Variants in PUDP observed in about 807,000 individuals in gnomAD.
PUDP encodes the protein pseudouridine 5'-phosphatase.
A neutral mutation model predicts 9.4 loss-of-function variants in PUDP; 8 were observed. The observed-to-expected ratio is 0.85, with a 90% CI of 0.50 to 1.53. PUDP has a LOEUF of 1.53. Ranked by LOEUF, PUDP falls within the 40% of genes most tolerant of loss-of-function variation. The probability of loss-of-function intolerance (pLI) is 0.00; values close to 1 mark genes in which losing one functional copy is unlikely to be tolerated. For missense variants in PUDP, 188 were observed against 189.7 expected (o/e 0.99, Z 0.05); for synonymous variants, 99 against 80.7 (o/e 1.23, Z -1.22).
At chrX:7,125,519 AAAG>A (rs750754921) in intron 1 of PUDP, among the ~76,000 whole-genome samples, 55 of 111,670 alleles carry the variant, frequency 4.9e-4, no homozygotes, top group Middle Eastern at 4.6e-3. Context: ...GGCTTTATTT[AAAG>A]ATCATCTTTC....
At chrX:6,817,041 CAA>C (rs1926261097) in intron 3 of PUDP, among the ~76,000 whole-genome samples, 1 of 64,004 alleles carries the variant, frequency 1.6e-5, no homozygotes, top group East Asian at 5.2e-4. Flanking sequence ...ATAGTATATA[CAA>C]TATATATACA....
intron 2 of PUDP, among the ~76,000 whole-genome samples, chrX:7,093,171 C>T (rs1330565258): frequency 4.5e-5 from 5 of 111,390 alleles, no homozygotes; most frequent in African/African-American, 1.6e-4. Flanking sequence ...ATCCCCCTCC[C>T]CCAGCCCCTG....
chrX:6,724,434 T>C (rs1279069487), upstream of PUDP, among the ~76,000 whole-genome samples: 1 of 101,493 alleles, frequency 9.9e-6, no homozygotes, highest in South Asian at 4.4e-4. Flanking sequence ...CTATTCTTCA[T>C]GACATTTTCA....
intron 3 of PUDP, among the ~76,000 whole-genome samples, chrX:6,900,573 G>A (rs1927666521): frequency 9.4e-6 from 1 of 106,910 alleles, no homozygotes; most frequent in South Asian, 4.2e-4. Context: ...AGGAGAGAGG[G>A]AGACGGAGAG....
chrX:7,147,424 T>C (rs1015958816), intron 1 of PUDP, among the ~76,000 whole-genome samples: 1 of 111,483 alleles, frequency 9.0e-6, no homozygotes, highest in Non-Finnish European at 1.9e-5. Context: ...ATCACTGGTC[T>C]GGACTCCACT....
intron 3 of PUDP, among the ~76,000 whole-genome samples, chrX:6,903,417 G>T (rs750517572): frequency 5.4e-5 from 6 of 111,137 alleles, no homozygotes; most frequent in South Asian, 3.8e-4. Context: ...GTGTACCTTT[G>T]ACCCAGCAAT....
intron 3 of PUDP, among the ~76,000 whole-genome samples, chrX:6,857,652 T>C (rs1419990766): frequency 9.0e-6 from 1 of 111,563 alleles, no homozygotes; most frequent in African/African-American, 3.3e-5. Context: ...CAGGCTGCTC[T>C]TGAACTCCTG....
chrX:6,969,845 G>A (rs1182702932), intron 3 of PUDP, among the ~76,000 whole-genome samples: 2 of 112,132 alleles, frequency 1.8e-5, no homozygotes, highest in Non-Finnish European at 3.8e-5. Flanking sequence ...TTGCACCACT[G>A]CACTGCAGCT....
chrX:6,994,806 T>C (rs1431891423), intron 1 of PUDP, among the ~76,000 whole-genome samples: 2 of 110,751 alleles, frequency 1.8e-5, no homozygotes. Context: ...CATAATGGAG[T>C]TTCTTTTGAG....
chrX:6,754,521 T>A (rs938146967), intron 3 of PUDP, among the ~76,000 whole-genome samples: 1 of 110,296 alleles, frequency 9.1e-6, no homozygotes, highest in Non-Finnish European at 1.9e-5. Flanking sequence ...ATAACTCATA[T>A]ATGTCATACA....
At chrX:7,010,022 C>T (rs1282860483) in intron 1 of PUDP, among the ~76,000 whole-genome samples, 2 of 111,538 alleles carry the variant, frequency 1.8e-5, no homozygotes, top group Non-Finnish European at 3.8e-5. Context: ...TCCTCCCTCC[C>T]CAGTGTCTAC....
At chrX:7,087,341 C>G (rs1288910404) in intron 2 of PUDP, among the ~76,000 whole-genome samples, 1 of 111,424 alleles carries the variant, frequency 9.0e-6, no homozygotes, top group Non-Finnish European at 1.9e-5. Flanking sequence ...CAACTACCAG[C>G]AGCTGAAAAG....
At chrX:7,011,481 C>T (rs1310746973) in intron 1 of PUDP, among the ~76,000 whole-genome samples, 8 of 110,908 alleles carry the variant, frequency 7.2e-5, no homozygotes, top group Non-Finnish European at 9.4e-5. Flanking sequence ...TTCCCTCCCT[C>T]GCTCCCTCCC....
intron 3 of PUDP, among the ~76,000 whole-genome samples, chrX:7,071,278 T>C (rs1299335928): frequency 9.0e-6 from 1 of 111,563 alleles, no homozygotes. Flanking sequence ...TTTTTTCTAA[T>C]TGAACTATAA....
chrX:7,074,607 G>A (rs187119196), intron 3 of PUDP, among the ~76,000 whole-genome samples: 25 of 112,344 alleles, frequency 2.2e-4, no homozygotes, highest in Middle Eastern at 4.6e-3. Flanking sequence ...CATGGTTATG[G>A]AGTGCAGCAC....
chrX:6,919,214 CT>C (rs1220253676), intron 3 of PUDP, among the ~76,000 whole-genome samples: 2 of 112,238 alleles, frequency 1.8e-5, no homozygotes, highest in African/African-American at 6.5e-5. Context: ...ACATTGTACT[CT>C]TTTCTTTTTT....
intron 3 of PUDP, among the ~76,000 whole-genome samples, chrX:6,730,143 G>C (rs1194052551): frequency 9.0e-6 from 1 of 111,703 alleles, no homozygotes; most frequent in Non-Finnish European, 1.9e-5. Flanking sequence ...ATCTCCTGTT[G>C]GTGCTTGGTA....
At chrX:6,861,313 C>T (rs114231610) in intron 3 of PUDP, among the ~76,000 whole-genome samples, 3,067 of 111,409 alleles carry the variant, frequency 0.028, 115 homozygotes, top group African/African-American at 0.093. Context: ...AAGCAAGATG[C>T]ATGCTCCAAA....
chrX:7,072,671 G>A lies in PUDP; in HGVS notation c.510+4549C>T, dbSNP rs776089310. On this transcript the variant is annotated intron_variant, in intron 3 of 3. Transcript: ENST00000381077. ...TCTACTAAAAATAAAAAAATTAGCC[G>A]GGCGTGGTGGCGTGTGCCTGTAATC... 1.2e-4 allele frequency among the ~76,000 whole-genome samples: 13 copies of A among 109,467 alleles called. 1 individual carries two copies. In the South Asian group the frequency reaches 3.2e-3, roughly 27 times the overall value.
Sources: allele counts gnomAD v4.1 joint callset (sites outside exome capture counted in the v4.1 genomes callset), GRCh38; gene constraint gnomAD v4.1.1; transcripts MANE v1.5; gene names NCBI Gene and HGNC (gene_info 2026-07-23, HGNC 2026-07-21).